ABL2: variants seen among roughly 807,000 people sequenced by gnomAD.
ABL2 encodes the protein tyrosine-protein kinase ABL2.
A neutral mutation model predicts 107.7 loss-of-function variants in ABL2; 49 were observed. The ratio of observed to expected loss-of-function variants is 0.45; its 90% CI spans 0.36 to 0.58. The LOEUF (loss-of-function observed/expected upper bound fraction) is 0.58, where lower values mean the gene tolerates loss of function less well. Ranked by LOEUF, ABL2 falls within the 20% of genes least tolerant of loss-of-function variation. ABL2 has a pLI of 0.00. For synonymous variants in ABL2, 549 were observed against 548.6 expected (o/e 1.00, Z -0.01); for missense variants, 1,245 against 1,457.0 (o/e 0.85, Z 2.37).
chr1:179,120,065 C>A, intron 6 of ABL2, 125 bp downstream of exon 6: 1 of 569,132 alleles, frequency 1.8e-6, no homozygotes, highest in South Asian at 3.6e-5. Context: ...CAACAGCAGC[C>A]TGGACAACAG....
At chr1:179,124,195 C>T (rs1168329460) in intron 4 of ABL2, among the ~76,000 whole-genome samples, 2 of 150,906 alleles carry the variant, frequency 1.3e-5, no homozygotes, top group East Asian at 2.0e-4. Context: ...AAGCCGAGAT[C>T]GCGCCACTGC....
Position 179,131,500 on chromosome 1 carries a change from G to C in ABL2, c.221-19C>G, listed in dbSNP as rs374196902. On this transcript the variant is annotated intron_variant, in intron 2 of 11. Coordinates refer to ENST00000502732, the MANE Select transcript of ABL2 (RefSeq NM_007314.4). Reference sequence around the variant, plus strand: ...AAAGCTTCTGAAAGACATAAGAAGGGAAGGGAATTCACGGTGAGTTCAACA... The same window carrying C: ...AAAGCTTCTGAAAGACATAAGAAGGCAAGGGAATTCACGGTGAGTTCAACA... The C allele has an allele frequency of 1.2e-5, 19 of 1,611,242 alleles. No homozygotes were observed. Among genetic ancestry groups the C allele is most frequent in the Middle Eastern group, 1.6e-4 (1 of 6,076 alleles).
rs1434997526 is a variant in ABL2, at chr1:179,101,190, C to T, written c.*6528G>A. The T allele has an allele frequency of 4.4e-6, 1 of 227,220 alleles. No homozygotes were observed. Among genetic ancestry groups the T allele is most frequent in the African/African-American group, 2.2e-5 (1 of 44,896 alleles). 14.1% of individuals were successfully genotyped at this position (227,220 alleles called of 1,614,324 possible). ...GACTCATGAAACCCATCTTTGAAGGCACAAATCTCCAAGGGTGGCCTCTCA... is the reference window on the plus strand; with the variant it reads ...GACTCATGAAACCCATCTTTGAAGGTACAAATCTCCAAGGGTGGCCTCTCA... On this transcript the variant is annotated 3_prime_UTR_variant, in exon 12 of 12. Transcript: ENST00000502732.
At chr1:179,192,368 C>A (rs990197818) in intron 1 of ABL2, among the ~76,000 whole-genome samples, 15 of 152,180 alleles carry the variant, frequency 9.9e-5, no homozygotes, top group Non-Finnish European at 1.3e-4. Context: ...GAATGTCAAA[C>A]CCTTCCACCA....
Position 179,109,273 on chromosome 1 carries a change from G to T in ABL2, c.1994C>A (p.Pro665His). The change falls in exon 12 of 12, where the codon CCC becomes CAC. Residue 665 changes from proline (P) to histidine (H), a missense_variant. This residue lies in a region of ABL2 where 761 missense variants were observed against 766.4 expected (regional missense o/e 0.99). Transcript: ENST00000502732. ...TCGGAAGGAGCTGCTGCGTTTGGGG[G>T]GTGTAGGAGCATTTCTCTTCTTCAT... Reference protein sequence around the residue: ...SFMKKRNAPTPPKRSSSFREM... With the variant: ...SFMKKRNAPTHPKRSSSFREM... 1.2e-6 allele frequency: 2 copies of T among 1,614,118 alleles called. No individual in the cohort carries two copies. Among genetic ancestry groups the T allele is most frequent in the Non-Finnish European group, 1.7e-6 (2 of 1,180,000 alleles).
At chr1:179,184,369 C>A in intron 1 of ABL2, 4 of 714,506 alleles carry the variant, frequency 5.6e-6, no homozygotes, top group Non-Finnish European at 9.2e-6. Context: ...GGAAAGGATG[C>A]GATGAAACAT....
At chr1:179,203,226 C>T (rs952413463) in intron 1 of ABL2, among the ~76,000 whole-genome samples, 14 of 152,210 alleles carry the variant, frequency 9.2e-5, no homozygotes, top group African/African-American at 1.2e-4. Context: ...TATTTCCTAA[C>T]GTCAAAACAA....
chr1:179,116,913 A>C (rs917153578), intron 8 of ABL2: 1 of 221,996 alleles, frequency 4.5e-6, no homozygotes, highest in Non-Finnish European at 9.0e-6. Flanking sequence ...GCTCACTGCA[A>C]CCTCTGCCCT....
intron 3 of ABL2, among the ~76,000 whole-genome samples, chr1:179,128,851 T>G (rs902752636): frequency 5.3e-5 from 8 of 152,278 alleles, no homozygotes; most frequent in African/African-American, 1.9e-4. Flanking sequence ...CCCTGGCTAA[T>G]TTTTAAATTT....
At chr1:179,160,274 G>A (rs73038874) in intron 1 of ABL2, among the ~76,000 whole-genome samples, 14,335 of 151,700 alleles carry the variant, frequency 0.094, 707 homozygotes, top group African/African-American at 0.12. Context: ...AATTATTCAC[G>A]AGGCTGAGGC....
At position 179,173,425 on chromosome 1, in the gene ABL2, C is replaced by T. The variant is rs182325937; in HGVS notation, c.158-40051G>A. Reference sequence around the variant, plus strand: ...GTCACCAGGCTGGAGTGCAATGGCACGATCTCAGCTCACTGCAACCTCCAT... The same window carrying T: ...GTCACCAGGCTGGAGTGCAATGGCATGATCTCAGCTCACTGCAACCTCCAT... On this transcript the variant is annotated intron_variant, in intron 1 of 11. Transcript: ENST00000502732. Among the ~76,000 whole-genome samples, 94 of 141,296 alleles carry T rather than the reference C, an allele frequency of 6.7e-4. 1 individual carries two copies. The highest frequency in any genetic ancestry group is 6.1e-3 in the Admixed American group (82 of 13,376). 92.7% of individuals were successfully genotyped at this position (141,296 alleles called of 152,430 possible).
At position 179,108,976 on chromosome 1, in the gene ABL2, C is replaced by G. The variant is rs755370818; in HGVS notation, c.2291G>C (p.Arg764Pro). The G allele has an allele frequency of 1.2e-6, 2 of 1,614,088 alleles. No homozygotes were observed. Among genetic ancestry groups the G allele is most frequent in the Non-Finnish European group, 1.7e-6 (2 of 1,180,026 alleles). ...PRLIKKTLGLRAGKPTASDDT... is the reference protein window; with the variant it reads ...PRLIKKTLGLPAGKPTASDDT... ...ATCACTGGCTGTGGGTTTACCTGCTCGTAAGCCCAGTGTCTTTTTGATTAA... is the reference window on the plus strand; with the variant it reads ...ATCACTGGCTGTGGGTTTACCTGCTGGTAAGCCCAGTGTCTTTTTGATTAA... Residue 764 changes from arginine to proline, a missense_variant, in exon 12 of 12, where the codon CGA becomes CCA. Physicochemically the swap from Arg to Pro is moderately radical, Grantham distance 103 (BLOSUM62 -2). Transcript: ENST00000502732.
intron 1 of ABL2, among the ~76,000 whole-genome samples, chr1:179,184,775 C>A (rs905643993): frequency 6.6e-6 from 1 of 152,090 alleles, no homozygotes; most frequent in Admixed American, 6.5e-5. Flanking sequence ...TTTTTTCCCC[C>A]TCTTGTGGCT....
chr1:179,177,240 T>C (rs1660102712), intron 1 of ABL2, among the ~76,000 whole-genome samples: 2 of 152,154 alleles, frequency 1.3e-5, no homozygotes, highest in Non-Finnish European at 1.5e-5. Flanking sequence ...CAACAAACAC[T>C]GTCAAGACCA....
At chr1:179,221,992 C>T (rs953274908) in intron 1 of ABL2, 2 of 214,336 alleles carry the variant, frequency 9.3e-6, no homozygotes, top group East Asian at 1.2e-4. Flanking sequence ...CCAGAAGACA[C>T]GAATCTTTTC....
At chr1:179,217,021 C>T (rs1046602123) in intron 1 of ABL2, among the ~76,000 whole-genome samples, 1 of 151,456 alleles carries the variant, frequency 6.6e-6, no homozygotes, top group African/African-American at 2.4e-5. Flanking sequence ...GGAGGCCAGG[C>T]GTGGGAGCTC....
At chr1:179,130,229 C>T (rs1220461370) in intron 3 of ABL2, among the ~76,000 whole-genome samples, 1 of 152,230 alleles carries the variant, frequency 6.6e-6, no homozygotes, top group Non-Finnish European at 1.5e-5. Context: ...GCGTGAGCCA[C>T]TGTGCCTGGT....
At chr1:179,200,695 C>T (rs1661619441) in intron 1 of ABL2, among the ~76,000 whole-genome samples, 1 of 152,152 alleles carries the variant, frequency 6.6e-6, no homozygotes, top group Non-Finnish European at 1.5e-5. Flanking sequence ...TGGAAATCTT[C>T]AAGAACACCC....
rs746029416 is a variant in ABL2, at chr1:179,107,875, C to G, written c.3392G>C (p.Arg1131Pro). ...AGCCTCTCGGAAGGCAAATTTGTTG[C>G]GAGTTTGAGGGATGCAGTCCACATA... ...SGYVDCIPQT[R>P]NKFAFREAVS... Residue 1131 changes from arginine (R) to proline (P), a missense_variant, in exon 12 of 12, where the codon CGC (arginine) becomes CCC (proline). By Grantham distance (103) the Arg-to-Pro change is moderately radical (BLOSUM62 -2). Around this residue, in one of 3 missense-constraint regions of ABL2, gnomAD observed 761 missense variants for 766.4 expected, o/e 0.99. Transcript: ENST00000502732. 6.2e-7 allele frequency: 1 copy of G among 1,614,170 alleles called. No individual in the cohort carries two copies. The highest frequency in any genetic ancestry group is 8.5e-7 in the Non-Finnish European group (1 of 1,180,024).
Sources: allele counts gnomAD v4.1 joint callset (sites outside exome capture counted in the v4.1 genomes callset), GRCh38; gene constraint gnomAD v4.1.1; regional missense constraint gnomAD v4.1.1; transcripts MANE v1.5; gene names NCBI Gene and HGNC (gene_info 2026-07-23, HGNC 2026-07-21).